SLC5A11: variants seen among roughly 807,000 people sequenced by gnomAD.
The protein encoded by SLC5A11 is solute carrier family 5 member 11.
A neutral mutation model predicts 69.8 loss-of-function variants in SLC5A11; 48 were observed. That is an observed-to-expected ratio of 0.69 (90% CI 0.55 to 0.87). The LOEUF (loss-of-function observed/expected upper bound fraction) is 0.87. Ranked by LOEUF, SLC5A11 falls within the 40% of genes least tolerant of loss-of-function variation. The pLI, the probability that SLC5A11 is intolerant of heterozygous loss-of-function variation, is 0.00. For missense variants in SLC5A11, 784 were observed against 866.1 expected (o/e 0.91, Z 1.19); for synonymous variants, 319 against 342.4 (o/e 0.93, Z 0.75).
At chr16:24,887,002 T>C (rs274067) in intron 8 of SLC5A11, among the ~76,000 whole-genome samples, 39,911 of 151,984 alleles carry the variant, frequency 0.26, 5,312 homozygotes, top group South Asian at 0.4. Context: ...AAAAATGTAG[T>C]GAGCTAAAAA....
exon 8 of SLC5A11, chr16:24,884,065 G>A (rs763617278): frequency 6.2e-7 from 1 of 1,613,714 alleles, no homozygotes; most frequent in Non-Finnish European, 8.5e-7. Context: ...CCTGGCTGCT[G>A]TGATCTACAC....
chr16:24,897,874 G>C, intron 9 of SLC5A11, 100 bp from the exon 11 acceptor site: 1 of 1,476,330 alleles, frequency 6.8e-7, no homozygotes, highest in Non-Finnish European at 9.2e-7. Context: ...CCCACAACAT[G>C]TGGGAATTAT....
chr16:24,909,787 C>A (rs950120517), intron 14 of SLC5A11, among the ~76,000 whole-genome samples: 6 of 147,596 alleles, frequency 4.1e-5, no homozygotes, highest in African/African-American at 1.5e-4. Flanking sequence ...TATGACCATG[C>A]CACTGCACTC....
At position 24,870,874 on chromosome 16, in the gene SLC5A11, G is replaced by A. The variant is rs115512532; in HGVS notation, c.312+869G>A. ...GAAGAAAGATGGTGAAGACTGAAGC[G>A]TATTTCTGTGTACTTTAGACGTCAA... On this transcript the variant is annotated intron_variant, in intron 4 of 15. Transcript: ENST00000347898. Among the ~76,000 whole-genome samples, 1,320 of 151,180 alleles carry A rather than the reference G, an allele frequency of 8.7e-3. 20 individuals carry two copies. Among genetic ancestry groups the A allele is most frequent in the African/African-American group, 0.03 (1,223 of 41,216 alleles).
chr16:24,865,914 T>C (rs1461161502), intron 3 of SLC5A11, among the ~76,000 whole-genome samples: 1 of 151,736 alleles, frequency 6.6e-6, no homozygotes, highest in Admixed American at 6.6e-5. Flanking sequence ...CTCTTTTTCT[T>C]CTCTCTAATT....
intron 8 of SLC5A11, among the ~76,000 whole-genome samples, chr16:24,889,066 G>A (rs900873234): frequency 2.6e-5 from 4 of 151,980 alleles, no homozygotes; most frequent in African/African-American, 9.7e-5. Context: ...CAAAGTGCTG[G>A]GATTACAGGC....
intron 3 of SLC5A11, among the ~76,000 whole-genome samples, chr16:24,864,202 A>G (rs755247317): frequency 3.3e-5 from 5 of 152,204 alleles, no homozygotes; most frequent in Non-Finnish European, 7.3e-5. Context: ...CATGCTTAGA[A>G]AAGTCCCGAG....
chr16:24,889,447 A>G (rs1269241298), intron 8 of SLC5A11, among the ~76,000 whole-genome samples: 1 of 151,584 alleles, frequency 6.6e-6, no homozygotes, highest in Non-Finnish European at 1.5e-5. Flanking sequence ...GTAGCACTAC[A>G]CTCCAGCCTG....
intron 1 of SLC5A11, among the ~76,000 whole-genome samples, chr16:24,858,283 T>C (rs565168843): frequency 6.6e-6 from 1 of 152,364 alleles, no homozygotes; most frequent in African/African-American, 2.4e-5. Context: ...GGAGACTGAC[T>C]CAGGTGTCTC....
At chr16:24,866,176 G>A (rs78946030) in intron 3 of SLC5A11, among the ~76,000 whole-genome samples, 518 of 150,690 alleles carry the variant, frequency 3.4e-3, no homozygotes, top group African/African-American at 0.012. Context: ...TATGGCATAT[G>A]TAAATTCTAC....
exon 8 of SLC5A11, chr16:24,884,053 G>A (rs368802168): frequency 6.9e-6 from 11 of 1,597,176 alleles, no homozygotes; most frequent in Non-Finnish European, 8.5e-6. Flanking sequence ...CCCACCAGGT[G>A]GCCTGGCTGC....
chr16:24,849,599 T>A (rs865888616), intron 1 of SLC5A11, among the ~76,000 whole-genome samples: 2,549 of 81,668 alleles, frequency 0.031, 52 homozygotes, highest in African/African-American at 0.044. Flanking sequence ...AAAAAATATA[T>A]ATATATATAT....
chr16:24,864,964 G>GA (rs967747291), intron 3 of SLC5A11, among the ~76,000 whole-genome samples: 20 of 150,374 alleles, frequency 1.3e-4, no homozygotes, highest in Non-Finnish European at 3.0e-4. Flanking sequence ...CTGAGGAACA[G>GA]AAAAAAAACG....
intron 2 of SLC5A11, 91 bp downstream of exon 3, chr16:24,858,869 A>C: frequency 6.9e-7 from 1 of 1,446,318 alleles, no homozygotes; most frequent in Non-Finnish European, 9.2e-7. Flanking sequence ...TGGAGCTAAG[A>C]TACTGACTGT....
At chr16:24,853,897 T>A (rs2059417323) in intron 1 of SLC5A11, among the ~76,000 whole-genome samples, 1 of 152,226 alleles carries the variant, frequency 6.6e-6, no homozygotes, top group Admixed American at 6.5e-5. Flanking sequence ...GGAGGGTTCC[T>A]CCTGGGATCC....
chr16:24,864,283 GTT>G (rs1567590503), intron 3 of SLC5A11, among the ~76,000 whole-genome samples: 5 of 152,326 alleles, frequency 3.3e-5, no homozygotes, highest in Non-Finnish European at 7.3e-5. Context: ...CTAAGGCAGA[GTT>G]ATAAGCTGGG....
intron 8 of SLC5A11, among the ~76,000 whole-genome samples, chr16:24,886,387 T>G (rs1389375932): frequency 2.4e-5 from 3 of 125,128 alleles, no homozygotes; most frequent in African/African-American, 7.6e-5. Flanking sequence ...ATAATAAAAT[T>G]ATAAAAGAAA....
chr16:24,891,452 CTA>C (rs2048804421), intron 9 of SLC5A11, among the ~76,000 whole-genome samples: 2 of 151,622 alleles, frequency 1.3e-5, no homozygotes, highest in African/African-American at 2.4e-5. Flanking sequence ...GTAGCTGGGA[CTA>C]CAGGCACATG....
chr16:24,856,317 A>G (rs979813694), intron 1 of SLC5A11, among the ~76,000 whole-genome samples: 2 of 152,142 alleles, frequency 1.3e-5, no homozygotes, highest in African/African-American at 2.4e-5. Flanking sequence ...CATAAAATGA[A>G]AAGTGTTGGA....
Sources: gnomAD v4.1 joint callset for allele counts (sites outside exome capture counted in the v4.1 genomes callset) on GRCh38, gnomAD v4.1.1 for gene constraint, MANE v1.5 for transcripts, NCBI Gene and HGNC (gene_info 2026-07-23, HGNC 2026-07-21) for gene names.